Variants in UTY observed in about 807,000 individuals in gnomAD.
UTY encodes the protein histone demethylase UTY.
A neutral mutation model predicts 32.5 loss-of-function variants in UTY; 12 were observed. The ratio of observed to expected loss-of-function variants is 0.37; its 90% CI spans 0.24 to 0.60. The LOEUF is 0.60. Ranked by LOEUF, UTY falls within the 20% of genes least tolerant of loss-of-function variation. UTY has a pLI of 0.69. For synonymous variants in UTY, 131 were observed against 103.4 expected, an observed-to-expected ratio of 1.27 and a Z score of -1.62; for missense variants, 303 against 299.2, an observed-to-expected ratio of 1.01 and a Z score of -0.09.
chrY:13,468,854 A>C (rs1001770833), intron 3 of UTY, among the ~76,000 whole-genome samples: 11 of 33,228 alleles, frequency 3.3e-4, no homozygotes, highest in Admixed American at 8.3e-4. Flanking sequence ...ATGCTACGTC[A>C]AATTAAAAGT....
Position 13,436,967 on chromosome Y carries a change from G to GACACACAC in UTY, c.375+12042_375+12049dup, listed in dbSNP as rs774903488. Among the ~76,000 whole-genome samples, 5 of 24,119 alleles carry GACACACAC rather than the reference G, an allele frequency of 2.1e-4. No individual in the cohort carries two copies. The East Asian group carries it at 3.2e-3, about 15-fold the overall frequency. 64.7% of individuals were successfully genotyped at this position (24,119 alleles called of 37,273 possible). A position where few individuals can be genotyped will look rare whatever the true frequency, so the allele number is the denominator to read the frequency against. On this transcript the variant is annotated intron_variant, in intron 4 of 29. Transcript: ENST00000545955. The stretch of plus-strand genomic sequence containing the variant: ...GAGAAGGAAACTAGGAAGCAAAAGA[G>GACACACAC]ACACACACACACACACACACACACA...
At chrY:13,350,718 C>T (rs2062325445) in intron 17 of UTY, among the ~76,000 whole-genome samples, 1 of 32,367 alleles carries the variant, frequency 3.1e-5, no homozygotes, top group East Asian at 8.1e-4. Context: ...ACAGCCCGCA[C>T]CCTGGGCCTA....
intron 8 of UTY, among the ~76,000 whole-genome samples, chrY:13,372,695 G>T (rs1603443558): frequency 3.0e-5 from 1 of 33,173 alleles, no homozygotes; most frequent in Non-Finnish European, 7.5e-5. Flanking sequence ...TTGGCAATGG[G>T]ATTAATATTC....
chrY:13,250,362 C>T (rs555205538), intron 29 of UTY, among the ~76,000 whole-genome samples: 1 of 33,784 alleles, frequency 3.0e-5, no homozygotes, highest in Admixed American at 2.7e-4. Context: ...AAGAGTGCGG[C>T]GCTATTACCT....
chrY:13,267,144 G>C (rs2055884003), intron 27 of UTY, among the ~76,000 whole-genome samples: 1 of 32,792 alleles, frequency 3.0e-5, no homozygotes, highest in Non-Finnish European at 7.5e-5. Flanking sequence ...ATTATTGTGT[G>C]GGAATCTAAG....
intron 27 of UTY, among the ~76,000 whole-genome samples, chrY:13,281,526 C>T: frequency 3.0e-5 from 1 of 33,226 alleles, no homozygotes; most frequent in Non-Finnish European, 7.4e-5. Flanking sequence ...GAAACTGAAA[C>T]TACAGAGACT....
chrY:13,316,834 C>T lies in UTY; in HGVS notation c.3276+6721G>A, dbSNP rs1569450992. Among the ~76,000 whole-genome samples, 6 of 32,049 alleles carry T rather than the reference C, an allele frequency of 1.9e-4. No individual in the cohort carries two copies. In the East Asian group the frequency reaches 4.9e-3, roughly 26 times the overall value. 86.0% of individuals were successfully genotyped at this position (32,049 alleles called of 37,273 possible). On this transcript the variant is annotated intron_variant, in intron 21 of 29. Coordinates refer to ENST00000545955, the MANE Select transcript of UTY (RefSeq NM_001258249.2). ...AGATGGCGCGGTAGAGGAAGAAAAA[C>T]GGCTAGCAAAAGGAAAAAGAAAAAG...
intron 21 of UTY, 62 bp from the exon 22 acceptor site, chrY:13,306,312 T>C: frequency 4.3e-6 from 1 of 231,328 alleles, no homozygotes; most frequent in East Asian, 1.1e-4. Flanking sequence ...ACTTCTATTA[T>C]ACAAATTATA....
chrY:13,410,023 T>C, intron 6 of UTY, among the ~76,000 whole-genome samples: 6 of 34,006 alleles, frequency 1.8e-4, no homozygotes, highest in Non-Finnish European at 2.9e-4. Context: ...TCTTTCACTG[T>C]AATAAACTGT....
At chrY:13,396,462 T>C in intron 7 of UTY, 2 of 34,057 alleles carry the variant, frequency 5.9e-5, no homozygotes, top group Non-Finnish European at 1.5e-4. Context: ...GTATTTATTT[T>C]TTAAACTACA....
chrY:13,321,936 G>C (rs2059869201), intron 21 of UTY, among the ~76,000 whole-genome samples: 1 of 33,315 alleles, frequency 3.0e-5, no homozygotes, highest in Non-Finnish European at 7.4e-5. Context: ...CAGATGCATA[G>C]TGGTTTTGGC....
chrY:13,299,512 C>T, intron 25 of UTY, among the ~76,000 whole-genome samples: 1 of 28,239 alleles, frequency 3.5e-5, no homozygotes, highest in African/African-American at 1.4e-4. Context: ...GGGTGAGGCA[C>T]GAGAATTACT....
chrY:13,387,869 A>C (rs1039159652), intron 8 of UTY, among the ~76,000 whole-genome samples: 13 of 33,783 alleles, frequency 3.8e-4, no homozygotes, highest in Admixed American at 3.5e-3. Context: ...TTGCCCACTC[A>C]AGTTTTCTAC....
chrY:13,395,733 T>TG (rs2068085303), intron 7 of UTY, among the ~76,000 whole-genome samples: 8 of 30,592 alleles, frequency 2.6e-4, no homozygotes, highest in Non-Finnish European at 6.3e-4. Flanking sequence ...ATCCCCCATA[T>TG]CTGTACCCAC....
intron 27 of UTY, among the ~76,000 whole-genome samples, chrY:13,276,728 C>G: frequency 9.2e-5 from 3 of 32,467 alleles, no homozygotes; most frequent in Admixed American, 5.6e-4. Flanking sequence ...CTCAAAAAAC[C>G]CCCCCCAAAA....
intron 24 of UTY, 74 bp from the exon 25 acceptor site, chrY:13,303,065 G>T: frequency 5.5e-6 from 1 of 183,237 alleles, no homozygotes; most frequent in Non-Finnish European, 9.7e-6. Context: ...TAAATTACTG[G>T]ATAGTTTTGA....
intron 27 of UTY, among the ~76,000 whole-genome samples, chrY:13,278,239 A>G: frequency 3.0e-5 from 1 of 33,652 alleles, no homozygotes; most frequent in Non-Finnish European, 7.4e-5. Flanking sequence ...TATCAGCCAT[A>G]CCTTGACAGT....
intron 21 of UTY, among the ~76,000 whole-genome samples, chrY:13,311,461 A>G (rs867553181): frequency 3.3e-4 from 10 of 30,223 alleles, no homozygotes; most frequent in South Asian, 2.4e-3. Flanking sequence ...CGGGCGTGGT[A>G]GCGGGCGCCT....
chrY:13,436,757 AAAT>A (rs2074592615), intron 4 of UTY, among the ~76,000 whole-genome samples: 1 of 32,521 alleles, frequency 3.1e-5, no homozygotes, highest in Non-Finnish European at 7.6e-5. Context: ...AGGGTGTTTC[AAAT>A]AATAACAGGG....
Sources: allele counts gnomAD v4.1 joint callset (sites outside exome capture counted in the v4.1 genomes callset), GRCh38; gene constraint gnomAD v4.1.1; transcripts MANE v1.5; gene names NCBI Gene and HGNC (gene_info 2026-07-23, HGNC 2026-07-21).